Variants in IL1RAPL2 observed in about 807,000 individuals in gnomAD.
IL1RAPL2 encodes the protein interleukin 1 receptor accessory protein like 2, also known as X-linked interleukin-1 receptor accessory protein-like 2.
Under a neutral mutation model 44.1 loss-of-function variants are expected in IL1RAPL2, and 3 were observed. The observed-to-expected ratio is 0.07, with a 90% CI of 0.03 to 0.18. The LOEUF (loss-of-function observed/expected upper bound fraction) is 0.18. Among genes scored for constraint, IL1RAPL2 ranks in the 10% least tolerant of loss-of-function variants. IL1RAPL2 has a pLI of 1.00. For synonymous variants in IL1RAPL2, 181 were observed against 178.8 expected (o/e 1.01, Z -0.10); for missense variants, 391 against 496.4 (o/e 0.79, Z 2.02).
chrX:104,979,697 T>A (rs2147725602), intron 2 of IL1RAPL2, among the ~76,000 whole-genome samples: 1 of 112,310 alleles, frequency 8.9e-6, no homozygotes, highest in South Asian at 3.7e-4. Flanking sequence ...TAGTAAATTT[T>A]GATATTTAAC....
chrX:105,070,113 T>C (rs1408069982), intron 2 of IL1RAPL2, among the ~76,000 whole-genome samples: 1 of 111,951 alleles, frequency 8.9e-6, no homozygotes, highest in African/African-American at 3.2e-5. Context: ...TAAGGCTCCT[T>C]ATTATCTGGG....
chrX:104,592,077 G>A (rs1453031840), intron 1 of IL1RAPL2, among the ~76,000 whole-genome samples: 3 of 105,731 alleles, frequency 2.8e-5, no homozygotes, highest in Non-Finnish European at 5.8e-5. Context: ...GTAAACTGAA[G>A]CAGTGTTGAC....
At chrX:105,127,216 G>A (rs1013517410) in intron 2 of IL1RAPL2, among the ~76,000 whole-genome samples, 44 of 111,000 alleles carry the variant, frequency 4.0e-4, no homozygotes, top group African/African-American at 1.4e-3. Flanking sequence ...AGCAGCAAGA[G>A]ACCAATAACT....
At chrX:104,978,678 A>C (rs1479334607) in intron 2 of IL1RAPL2, among the ~76,000 whole-genome samples, 1 of 112,196 alleles carries the variant, frequency 8.9e-6, no homozygotes, top group Admixed American at 9.5e-5. Flanking sequence ...CAAGAGTACC[A>C]ACTGGAAATT....
intron 2 of IL1RAPL2, among the ~76,000 whole-genome samples, chrX:104,895,747 C>G (rs770992128): frequency 8.9e-6 from 1 of 111,823 alleles, no homozygotes; most frequent in Non-Finnish European, 1.9e-5. Context: ...TAAGGCAGTG[C>G]CTCACCCTGC....
At chrX:104,838,689 C>T (rs1273141710) in intron 2 of IL1RAPL2, among the ~76,000 whole-genome samples, 2 of 110,133 alleles carry the variant, frequency 1.8e-5, no homozygotes, top group Non-Finnish European at 3.8e-5. Flanking sequence ...TTTGATTTCC[C>T]CTCTTCCTAT....
intron 1 of IL1RAPL2, among the ~76,000 whole-genome samples, chrX:104,632,483 G>A (rs751756986): frequency 1.8e-5 from 2 of 111,277 alleles, no homozygotes; most frequent in Admixed American, 9.6e-5. Flanking sequence ...AGCATGGAAT[G>A]TTCTTCCATT....
In IL1RAPL2 at chrX:105,552,105, CAA is replaced by C. The variant is rs34788343; in HGVS notation, c.772+67733_772+67734del. Among the ~76,000 whole-genome samples the C allele has an allele frequency of 4.2e-4, 28 of 67,331 alleles. No homozygotes were observed. In the East Asian group the frequency reaches 5.8e-3, roughly 14 times the overall value. 58.5% of individuals were successfully genotyped at this position (67,331 alleles called of 115,157 possible). A position where few individuals can be genotyped will look rare whatever the true frequency, so the allele number is the denominator to read the frequency against. On this transcript the variant is annotated intron_variant, in intron 6 of 10. Coordinates refer to ENST00000372582, the MANE Select transcript of IL1RAPL2 (RefSeq NM_017416.2). ...TGGGCGACAGAGCCAGACTCCATTT[CAA>C]AAAAAAAAAAAAAAGATTTCCCTTT...
chrX:105,085,256 A>C (rs1254570224), intron 2 of IL1RAPL2, among the ~76,000 whole-genome samples: 1 of 112,499 alleles, frequency 8.9e-6, no homozygotes, highest in Admixed American at 9.5e-5. Flanking sequence ...TTGAAAGAAA[A>C]TATTTATAAG....
chrX:105,293,899 A>G (rs2034635363), intron 5 of IL1RAPL2, among the ~76,000 whole-genome samples: 1 of 112,482 alleles, frequency 8.9e-6, no homozygotes, highest in South Asian at 3.7e-4. Flanking sequence ...TAGCATGTTT[A>G]CAACATAGTA....
At chrX:105,506,991 T>C (rs1479744914) in intron 6 of IL1RAPL2, among the ~76,000 whole-genome samples, 1 of 111,898 alleles carries the variant, frequency 8.9e-6, no homozygotes, top group Non-Finnish European at 1.9e-5. Flanking sequence ...TTTCCCTCTT[T>C]CTTTCAACAT....
At chrX:105,135,398 T>G (rs776006412) in intron 2 of IL1RAPL2, among the ~76,000 whole-genome samples, 2 of 111,826 alleles carry the variant, frequency 1.8e-5, no homozygotes, top group Non-Finnish European at 3.8e-5. Context: ...TTATCTAGAT[T>G]AAAATAAAAG....
chrX:104,718,417 C>T (rs1006045650), intron 2 of IL1RAPL2, among the ~76,000 whole-genome samples: 2 of 111,062 alleles, frequency 1.8e-5, no homozygotes, highest in African/African-American at 6.6e-5. Context: ...ACCCATATGT[C>T]GACTTGTCTT....
chrX:105,247,564 AC>A (rs901889732), intron 4 of IL1RAPL2, among the ~76,000 whole-genome samples: 3 of 107,879 alleles, frequency 2.8e-5, no homozygotes, highest in Non-Finnish European at 5.7e-5. Context: ...ACAAAAAGAG[AC>A]CACTAAATAG....
At chrX:105,034,913 T>C (rs928955278) in intron 2 of IL1RAPL2, among the ~76,000 whole-genome samples, 1 of 89,873 alleles carries the variant, frequency 1.1e-5, no homozygotes, top group African/African-American at 4.2e-5. Flanking sequence ...CCCAGCTGCT[T>C]TGTTTACCTA....
chrX:104,651,161 T>C (rs1175207584), intron 1 of IL1RAPL2, among the ~76,000 whole-genome samples: 1 of 112,174 alleles, frequency 8.9e-6, no homozygotes, highest in Non-Finnish European at 1.9e-5. Flanking sequence ...TTAAAAACTT[T>C]ATATGCTCAC....
intron 2 of IL1RAPL2, among the ~76,000 whole-genome samples, chrX:104,838,823 C>A (rs1921815308): frequency 1.5e-5 from 1 of 64,613 alleles, no homozygotes; most frequent in Non-Finnish European, 3.1e-5. Context: ...TTCTTTTCTT[C>A]TTTCTTTCTT....
At chrX:104,679,219 C>T (rs1460613857) in intron 2 of IL1RAPL2, among the ~76,000 whole-genome samples, 1 of 111,194 alleles carries the variant, frequency 9.0e-6, no homozygotes, top group African/African-American at 3.3e-5. Context: ...ATGAATGACA[C>T]TAAAATGTGG....
At chrX:104,582,047 T>C (rs953894191) in intron 1 of IL1RAPL2, among the ~76,000 whole-genome samples, 2 of 111,667 alleles carry the variant, frequency 1.8e-5, no homozygotes, top group African/African-American at 6.5e-5. Flanking sequence ...ACTTAAAGGA[T>C]ATACTTGAAA....
Sources: gnomAD v4.1 joint callset for allele counts (sites outside exome capture counted in the v4.1 genomes callset) on GRCh38, gnomAD v4.1.1 for gene constraint, MANE v1.5 for transcripts, NCBI Gene and HGNC (gene_info 2026-07-23, HGNC 2026-07-21) for gene names.